SCIN: variants seen among roughly 807,000 people sequenced by gnomAD.
The protein encoded by SCIN is scinderin.
Under a neutral mutation model 91.8 loss-of-function variants are expected in SCIN, and 91 were observed. The observed-to-expected ratio is 0.99, with a 90% CI of 0.84 to 1.18. The LOEUF is 1.18. SCIN is among the 50% of genes most tolerant of loss of function. SCIN has a pLI of 0.00. For missense variants in SCIN, 1,087 were observed against 863.9 expected, an observed-to-expected ratio of 1.26 and a Z score of -3.24; for synonymous variants, 367 against 312.6, an observed-to-expected ratio of 1.17 and a Z score of -1.84.
At chr7:12,648,186 T>C (rs1017001139) in intron 13 of SCIN, among the ~76,000 whole-genome samples, 4 of 151,798 alleles carry the variant, frequency 2.6e-5, no homozygotes, top group African/African-American at 7.2e-5. Context: ...TTTAACCCAT[T>C]AAAAATAAAA....
chr7:12,570,910 G>A lies in SCIN; in HGVS notation c.124G>A (p.Val42Ile), dbSNP rs1179135048. 11 of 1,551,492 alleles carry A rather than the reference G, an allele frequency of 7.1e-6. No individual in the cohort carries two copies. Among genetic ancestry groups the A allele is most frequent in the East Asian group, 2.4e-5 (1 of 40,882 alleles). Residue 42 changes from valine (V) to isoleucine (I), a missense_variant, in exon 1 of 16, where the codon GTC becomes ATC. Transcript: ENST00000297029. ...VPQSAHGDFY[V>I]GDAYLVLHTA... ...CCAGAGCGCTCACGGCGACTTCTAC[G>A]TCGGGGATGCCTACCTGGTGCTGCA...
chr7:12,577,763 G>T, intron 1 of SCIN: 1 of 404,756 alleles, frequency 2.5e-6, no homozygotes, highest in South Asian at 2.1e-5. Flanking sequence ...GACTGAGGTA[G>T]GAGGATCGCT....
chr7:12,573,336 T>C (rs138925326), intron 1 of SCIN, among the ~76,000 whole-genome samples: 398 of 152,012 alleles, frequency 2.6e-3, no homozygotes, highest in Non-Finnish European at 4.2e-3. Flanking sequence ...TGAAAAAAGG[T>C]GCATAGCATA....
In SCIN at chr7:12,570,960, C is replaced by T. The variant is rs546061236; in HGVS notation, c.174C>T (p.Phe58=). 8.4e-6 allele frequency: 13 copies of T among 1,551,232 alleles called. No individual in the cohort carries two copies. The East Asian group carries it at 3.2e-4, about 38-fold the overall frequency. Reference sequence around the variant, plus strand: ...ACACGGCCAAGACGAGCCGAGGCTTCACCTACCACCTGCACTTCTGGCTCG... The same window carrying T: ...ACACGGCCAAGACGAGCCGAGGCTTTACCTACCACCTGCACTTCTGGCTCG... ...VLHTAKTSRG[F]TYHLHFWLGK... Residue 58 remains phenylalanine, a synonymous_variant, in exon 1 of 16, where the codon TTC becomes TTT. Coordinates refer to ENST00000297029, the MANE Select transcript of SCIN (RefSeq NM_001112706.3).
intron 3 of SCIN, among the ~76,000 whole-genome samples, chr7:12,591,922 A>C (rs1238208005): frequency 6.6e-6 from 1 of 152,060 alleles, no homozygotes. Flanking sequence ...AGTTTAAGAG[A>C]GCAGTGGCCG....
chr7:12,580,200 C>G (rs568129261), intron 2 of SCIN, among the ~76,000 whole-genome samples: 1 of 151,790 alleles, frequency 6.6e-6, no homozygotes, highest in Non-Finnish European at 1.5e-5. Flanking sequence ...CTATCAGTGA[C>G]AGTTTTGTTT....
In SCIN at chr7:12,578,143, A is replaced by C. The variant is rs1583272731; in HGVS notation, c.279A>C (p.Pro93=). The stretch of plus-strand genomic sequence containing the variant: ...TGGATGACTATTTGGGTGGCAAGCC[A>C]GTGCAGAATAGAGAACTTCAAGGAT... ...VQMDDYLGGK[P]VQNRELQGYE... Residue 93 remains proline (P), a synonymous_variant, in exon 2 of 16, where the codon CCA becomes CCC. Coordinates refer to ENST00000297029, the MANE Select transcript of SCIN (RefSeq NM_001112706.3). 1.3e-6 allele frequency: 2 copies of C among 1,551,572 alleles called. No individual in the cohort carries two copies. Among genetic ancestry groups the C allele is most frequent in the Non-Finnish European group, 1.7e-6 (2 of 1,146,810 alleles).
chr7:12,606,242 T>C (rs901954386), intron 4 of SCIN, among the ~76,000 whole-genome samples: 1 of 152,202 alleles, frequency 6.6e-6, no homozygotes, highest in African/African-American at 2.4e-5. Flanking sequence ...TTTTGAAACT[T>C]CTGCGTTTAA....
intron 3 of SCIN, among the ~76,000 whole-genome samples, chr7:12,604,275 A>AT (rs1447059333): frequency 1.3e-5 from 2 of 152,158 alleles, no homozygotes; most frequent in Non-Finnish European, 2.9e-5. Context: ...TAATTTATAG[A>AT]TTATATACAC....
intron 7 of SCIN, chr7:12,626,169 G>T: frequency 3.1e-6 from 1 of 324,022 alleles, no homozygotes; most frequent in South Asian, 5.8e-5. Context: ...GTGCAGACTT[G>T]GCCTGAAACC....
chr7:12,614,721 T>C lies in SCIN; in HGVS notation c.667-8080T>C, dbSNP rs1163482913. Among the ~76,000 whole-genome samples the C allele has an allele frequency of 2.0e-5, 3 of 152,156 alleles. No individual in the cohort carries two copies. In the East Asian group the frequency reaches 5.8e-4, roughly 29 times the overall value. ...TCATTGCTTGAGCATTGCTCCTTGG[T>C]TCTTAATGTCCCAGAACCTGCCTTG... On this transcript the variant is annotated intron_variant, in intron 4 of 15. Transcript: ENST00000297029.
intron 6 of SCIN, 72 bp from the exon 7 acceptor site, chr7:12,625,690 A>C: frequency 9.5e-7 from 1 of 1,056,518 alleles, no homozygotes; most frequent in South Asian, 1.4e-5. Context: ...ATTATGGTAC[A>C]CAAGTATTTC....
intron 9 of SCIN, among the ~76,000 whole-genome samples, chr7:12,631,192 T>G (rs888417168): frequency 6.6e-6 from 1 of 152,254 alleles, no homozygotes; most frequent in Admixed American, 6.5e-5. Context: ...TAGTAGCTAT[T>G]TCTTGTATCA....
chr7:12,621,565 A>G (rs1340380902), intron 4 of SCIN, among the ~76,000 whole-genome samples: 2 of 150,960 alleles, frequency 1.3e-5, no homozygotes, highest in Non-Finnish European at 3.0e-5. Context: ...GAGATCTTTG[A>G]TGGCTCTTAC....
In SCIN at chr7:12,651,449, T is replaced by C. The variant is rs1480895686; in HGVS notation, c.1960-392T>C. On this transcript the variant is annotated intron_variant, in intron 14 of 15. Transcript: ENST00000297029. The surrounding 1 kb of genome is among the most constrained non-coding windows in gnomAD (Gnocchi z 5.9). ...TCCTCTGAACAGCCATCTCGAAATA[T>C]GTCAAAGAAGTGTATTCGGAGGTGA... 2.6e-5 allele frequency among the ~76,000 whole-genome samples: 4 copies of C among 152,112 alleles called. No homozygotes were observed. The highest frequency in any genetic ancestry group is 2.0e-4 in the Admixed American group (3 of 15,280).
chr7:12,599,148 G>C (rs1375888840), intron 3 of SCIN, among the ~76,000 whole-genome samples: 2 of 152,148 alleles, frequency 1.3e-5, no homozygotes, highest in African/African-American at 4.8e-5. Context: ...TGAGTAAGAA[G>C]TTTTCTGTAA....
chr7:12,650,063 T>G (rs1346784691), intron 14 of SCIN, among the ~76,000 whole-genome samples: 1 of 152,258 alleles, frequency 6.6e-6, no homozygotes, highest in East Asian at 1.9e-4. Flanking sequence ...CCACATCTGA[T>G]AGGTTTTTAA....
At chr7:12,592,264 A>G (rs1782739852) in intron 3 of SCIN, among the ~76,000 whole-genome samples, 1 of 152,042 alleles carries the variant, frequency 6.6e-6, no homozygotes, top group Admixed American at 6.6e-5. Context: ...GGACTATGGG[A>G]TGAATAGGGA....
At chr7:12,619,895 A>G (rs1418706521) in intron 4 of SCIN, among the ~76,000 whole-genome samples, 1 of 152,104 alleles carries the variant, frequency 6.6e-6, no homozygotes, top group Non-Finnish European at 1.5e-5. Flanking sequence ...TGTATTTACA[A>G]AGTAACACAG....
Sources: gnomAD v4.1 joint callset for allele counts (sites outside exome capture counted in the v4.1 genomes callset) on GRCh38, gnomAD v4.1.1 for gene constraint, Gnocchi (gnomAD v3.1) non-coding constraint, MANE v1.5 for transcripts, NCBI Gene and HGNC (gene_info 2026-07-23, HGNC 2026-07-21) for gene names.